Variants in APBB2 observed in about 807,000 individuals in gnomAD.
APBB2 encodes amyloid beta precursor protein binding family B member 2.
Under a neutral mutation model 82.5 loss-of-function variants are expected in APBB2, and 38 were observed. That is an observed-to-expected ratio of 0.46 (90% CI 0.36 to 0.60). The LOEUF (loss-of-function observed/expected upper bound fraction) is 0.60, where lower values mean the gene tolerates loss of function less well. APBB2 is among the 20% of genes least tolerant of loss of function. The probability of loss-of-function intolerance (pLI) is 0.00; values close to 1 mark genes in which losing one functional copy is unlikely to be tolerated. For synonymous variants in APBB2, 341 were observed against 368.2 expected, an observed-to-expected ratio of 0.93 and a Z score of 0.85; for missense variants, 772 against 972.3, an observed-to-expected ratio of 0.79 and a Z score of 2.74.
chr4:40,881,171 G>C, intron 12 of APBB2: 1 of 985,376 alleles, frequency 1.0e-6, no homozygotes, highest in Non-Finnish European at 1.2e-6. Context: ...TGCTTATCAT[G>C]GAGCTGCATT....
rs1359902310 is a variant in APBB2, at chr4:41,164,537, T to C, written c.-416-21395A>G. Among the ~76,000 whole-genome samples, 5 of 152,320 alleles carry C rather than the reference T, an allele frequency of 3.3e-5. No homozygotes were observed. The East Asian group carries it at 7.7e-4, about 23-fold the overall frequency. On this transcript the variant is annotated intron_variant, in intron 1 of 17. Transcript: ENST00000508593. Reference sequence around the variant, plus strand: ...CTTTTATCTAAGAGACCACAATAGTTTCCCTTTGTACCAGACAGCACAAAC... The same window carrying C: ...CTTTTATCTAAGAGACCACAATAGTCTCCCTTTGTACCAGACAGCACAAAC...
chr4:40,979,893 G>C (rs944308703), intron 6 of APBB2, among the ~76,000 whole-genome samples: 3 of 152,210 alleles, frequency 2.0e-5, no homozygotes, highest in Non-Finnish European at 4.4e-5. Context: ...CTGACACACA[G>C]AAGCTATGGA....
chr4:40,937,924 A>G (rs1785783057), intron 7 of APBB2, among the ~76,000 whole-genome samples: 1 of 152,240 alleles, frequency 6.6e-6, no homozygotes, highest in South Asian at 2.1e-4. Context: ...GCACAACCCA[A>G]CAGAGATTCT....
chr4:40,943,527 G>C (rs899410496), intron 7 of APBB2, among the ~76,000 whole-genome samples: 3 of 152,170 alleles, frequency 2.0e-5, no homozygotes, highest in Non-Finnish European at 4.4e-5. Flanking sequence ...GGAATCCCAG[G>C]ATCCAACTGG....
intron 12 of APBB2, among the ~76,000 whole-genome samples, chr4:40,858,454 CAAAAAAAA>C (rs34433911): frequency 8.7e-5 from 5 of 57,718 alleles, no homozygotes; most frequent in East Asian, 5.6e-4. Context: ...GAGTCCGTCT[CAAAAAAAA>C]AAAAAAAAAA....
chr4:40,865,100 C>A (rs1763737622), intron 12 of APBB2, among the ~76,000 whole-genome samples: 1 of 152,094 alleles, frequency 6.6e-6, no homozygotes, highest in South Asian at 2.1e-4. Context: ...TCAAGTGATC[C>A]ATCCACTTTG....
intron 6 of APBB2, among the ~76,000 whole-genome samples, chr4:41,008,835 A>C (rs887388894): frequency 1.3e-5 from 2 of 152,352 alleles, no homozygotes; most frequent in East Asian, 3.9e-4. Flanking sequence ...CTCACTCTAG[A>C]GCCTATGCTC....
At chr4:40,939,210 TA>T (rs1786193549) in intron 7 of APBB2, among the ~76,000 whole-genome samples, 1 of 152,202 alleles carries the variant, frequency 6.6e-6, no homozygotes. Flanking sequence ...AGAAAATGAA[TA>T]AAGACACATT....
intron 1 of APBB2, among the ~76,000 whole-genome samples, chr4:41,184,341 A>G (rs1038935519): frequency 4.6e-5 from 7 of 152,176 alleles, no homozygotes; most frequent in African/African-American, 1.4e-4. Context: ...CAGCCCTAGC[A>G]AAGTAATACA....
At position 40,812,153 on chromosome 4, in the gene APBB2, T is replaced by G. The variant is rs955791925; in HGVS notation, c.*3939A>C. The G allele has an allele frequency of 6.6e-6, 1 of 152,208 alleles. No homozygotes were observed. Among genetic ancestry groups the G allele is most frequent in the Admixed American group, 6.5e-5 (1 of 15,290 alleles). The allele number at this position is 152,208 out of a possible 1,614,324, so 9.4% of individuals were successfully genotyped here. On this transcript the variant is annotated 3_prime_UTR_variant, in exon 18 of 18. Transcript: ENST00000508593. ...TCCTAGTTCTTACCAGGCAGAAATA[T>G]GTAGTAACTAATCAAAGCAAAATGC...
intron 7 of APBB2, among the ~76,000 whole-genome samples, chr4:40,940,790 T>A (rs1231728834): frequency 6.6e-6 from 1 of 152,208 alleles, no homozygotes; most frequent in Non-Finnish European, 1.5e-5. Flanking sequence ...TTTGAAAAGA[T>A]GGGAAGACTT....
At chr4:41,120,271 T>C (rs1026289761) in intron 2 of APBB2, among the ~76,000 whole-genome samples, 1 of 152,178 alleles carries the variant, frequency 6.6e-6, no homozygotes, top group Non-Finnish European at 1.5e-5. Context: ...TATCTGTTCA[T>C]GCCTCCAATC....
intron 2 of APBB2, among the ~76,000 whole-genome samples, chr4:41,138,564 A>G (rs1758235420): frequency 6.6e-6 from 1 of 152,226 alleles, no homozygotes; most frequent in South Asian, 2.1e-4. Flanking sequence ...TATTTCTCCA[A>G]AGAAGATATA....
In APBB2 at chr4:41,127,977, G is replaced by A. The variant is rs1391672278; in HGVS notation, c.-261+15010C>T. ...CACCTGTAATCCCAGCTACCTGGGA[G>A]ACTGAAGCATGAGAATCGCTTGAAC... On this transcript the variant is annotated intron_variant, in intron 2 of 17. Transcript: ENST00000508593. This position sits in a 1 kb window ranked among gnomAD's most constrained non-coding sequence, Gnocchi z 4.8. Among the ~76,000 whole-genome samples, 2 of 152,172 alleles carry A rather than the reference G, an allele frequency of 1.3e-5. No homozygotes were observed. Among genetic ancestry groups the A allele is most frequent in the African/African-American group, 2.4e-5 (1 of 41,440 alleles).
At chr4:40,841,437 A>G (rs1270870527) in intron 12 of APBB2, among the ~76,000 whole-genome samples, 1 of 152,148 alleles carries the variant, frequency 6.6e-6, no homozygotes, top group East Asian at 1.9e-4. Flanking sequence ...CCAATCAATC[A>G]AACGGGCAGG....
At chr4:40,929,092 T>TG (rs1182341305) in intron 10 of APBB2, among the ~76,000 whole-genome samples, 1 of 151,818 alleles carries the variant, frequency 6.6e-6, no homozygotes, top group Non-Finnish European at 1.5e-5. Context: ...GTTTGTACTG[T>TG]GATTCTGTAG....
At chr4:41,066,042 C>T (rs1302693464) in intron 3 of APBB2, among the ~76,000 whole-genome samples, 1 of 151,900 alleles carries the variant, frequency 6.6e-6, no homozygotes, top group African/African-American at 2.4e-5. Context: ...GCTGTTTGCT[C>T]TGACATCTGA....
chr4:40,827,343 G>T (rs1444918191), intron 13 of APBB2, 124 bp from the exon 14 acceptor site: 4 of 721,030 alleles, frequency 5.5e-6, no homozygotes, highest in Admixed American at 5.1e-5. Flanking sequence ...TCTATTGCCT[G>T]AAGTCCCACC....
At chr4:40,928,872 G>A (rs546659454) in intron 10 of APBB2, among the ~76,000 whole-genome samples, 1 of 151,148 alleles carries the variant, frequency 6.6e-6, no homozygotes, top group Non-Finnish European at 1.5e-5. Flanking sequence ...ATGACAGAGT[G>A]AGCTCCCGTC....
Sources: allele counts gnomAD v4.1 joint callset (sites outside exome capture counted in the v4.1 genomes callset), GRCh38; gene constraint gnomAD v4.1.1; non-coding constraint Gnocchi (gnomAD v3.1); transcripts MANE v1.5; gene names NCBI Gene and HGNC (gene_info 2026-07-23, HGNC 2026-07-21).